RHOJ: variants seen among roughly 807,000 people sequenced by gnomAD.
RHOJ encodes rho-related GTP-binding protein RhoJ.
RHOJ carries 11 observed loss-of-function variants against 23.4 expected under a neutral mutation model. That is an observed-to-expected ratio of 0.47 (90% CI 0.30 to 0.78). RHOJ has a LOEUF of 0.78. Ranked by LOEUF, RHOJ falls within the 30% of genes least tolerant of loss-of-function variation. The pLI is 0.08. For synonymous variants in RHOJ, 102 were observed against 102.7 expected, an observed-to-expected ratio of 0.99 and a Z score of 0.04; for missense variants, 254 against 273.4, an observed-to-expected ratio of 0.93 and a Z score of 0.50.
intron 1 of RHOJ, among the ~76,000 whole-genome samples, chr14:63,219,923 A>C (rs1283625514): frequency 6.6e-6 from 1 of 152,204 alleles, no homozygotes; most frequent in South Asian, 2.1e-4. Flanking sequence ...GCAGCAGTAC[A>C]TTAACTTAAC....
chr14:63,291,435 C>A lies in RHOJ; in HGVS notation c.*411C>A. 3.8e-6 allele frequency: 1 copy of A among 266,396 alleles called. No individual in the cohort carries two copies. 16.5% of individuals were successfully genotyped at this position (266,396 alleles called of 1,614,324 possible). ...TTGATGTCTTTTATAAAACTTGGGA[C>A]TACAATACTAACCTTTTTTTCTGAA... On this transcript the variant is annotated 3_prime_UTR_variant, in exon 5 of 5. Transcript: ENST00000316754.
At chr14:63,269,645 G>A (rs771747790) in intron 2 of RHOJ, among the ~76,000 whole-genome samples, 5 of 152,118 alleles carry the variant, frequency 3.3e-5, no homozygotes, top group Non-Finnish European at 7.3e-5. Flanking sequence ...ATTACGTGTT[G>A]GAAGGAAGAA....
intron 1 of RHOJ, among the ~76,000 whole-genome samples, chr14:63,223,168 T>G (rs2139739551): frequency 6.6e-6 from 1 of 152,246 alleles, no homozygotes; most frequent in East Asian, 1.9e-4. Context: ...TTTCTCCAAG[T>G]TTTATCCACA....
intron 1 of RHOJ, among the ~76,000 whole-genome samples, chr14:63,228,939 T>G (rs1175766657): frequency 6.6e-6 from 1 of 152,226 alleles, no homozygotes; most frequent in Non-Finnish European, 1.5e-5. Flanking sequence ...TTTTCCTACA[T>G]GCTCTCATAG....
chr14:63,247,292 A>G (rs1248267895), intron 1 of RHOJ, among the ~76,000 whole-genome samples: 1 of 152,208 alleles, frequency 6.6e-6, no homozygotes, highest in East Asian at 1.9e-4. Context: ...AGCCTTCTAG[A>G]ACAGCACCTC....
chr14:63,217,813 C>T (rs1282406035), intron 1 of RHOJ, among the ~76,000 whole-genome samples: 2 of 152,190 alleles, frequency 1.3e-5, no homozygotes, highest in Admixed American at 1.3e-4. Flanking sequence ...CATGTATTCA[C>T]TGCAAGTCAA....
intron 1 of RHOJ, among the ~76,000 whole-genome samples, chr14:63,222,545 T>C (rs991066345): frequency 2.0e-5 from 3 of 152,216 alleles, no homozygotes; most frequent in Non-Finnish European, 4.4e-5. Context: ...TATCTCATTG[T>C]GGTTGTGATT....
intron 1 of RHOJ, among the ~76,000 whole-genome samples, chr14:63,232,443 G>T (rs1372067317): frequency 1.3e-5 from 2 of 152,134 alleles, no homozygotes; most frequent in Admixed American, 6.6e-5. Flanking sequence ...AGCACAGTCT[G>T]TGTGTCAGAG....
intron 1 of RHOJ, among the ~76,000 whole-genome samples, chr14:63,238,093 T>G (rs1339107949): frequency 6.6e-6 from 1 of 152,230 alleles, no homozygotes; most frequent in Non-Finnish European, 1.5e-5. Flanking sequence ...TGGCAAATCT[T>G]TCACATACGG....
chr14:63,217,906 A>G (rs1031834634), intron 1 of RHOJ, among the ~76,000 whole-genome samples: 1 of 152,232 alleles, frequency 6.6e-6, no homozygotes, highest in African/African-American at 2.4e-5. Context: ...TCTTGTCGAC[A>G]CGATTACTTG....
intron 1 of RHOJ, among the ~76,000 whole-genome samples, chr14:63,241,975 G>T (rs144029184): frequency 3.7e-4 from 56 of 152,296 alleles, no homozygotes; most frequent in African/African-American, 1.3e-3. Context: ...TAAGTCCAAA[G>T]GAAGCTGAGT....
At chr14:63,269,265 C>A in intron 2 of RHOJ, 97 bp downstream of exon 2, 1 of 819,892 alleles carries the variant, frequency 1.2e-6, no homozygotes, top group African/African-American at 1.7e-5. Flanking sequence ...ACAGATATTA[C>A]CCATTCTGAT....
Position 63,293,458 on chromosome 14 carries a change from G to A in RHOJ, c.*2434G>A, listed in dbSNP as rs184827802. Among the ~76,000 whole-genome samples the A allele has an allele frequency of 1.4e-3, 211 of 152,300 alleles. 1 individual carries two copies. Among genetic ancestry groups the A allele is most frequent in the African/African-American group, 4.9e-3 (204 of 41,556 alleles). On this transcript the variant is annotated 3_prime_UTR_variant, in exon 5 of 5. Transcript: ENST00000316754. ...TTGTTAGTGTCTGGGTAGAGCACAGGCTCCCAGGGGTCTTAAGAGCTAATT... is the reference window on the plus strand; with the variant it reads ...TTGTTAGTGTCTGGGTAGAGCACAGACTCCCAGGGGTCTTAAGAGCTAATT...
chr14:63,249,171 C>A (rs1895026163), intron 1 of RHOJ, among the ~76,000 whole-genome samples: 1 of 152,234 alleles, frequency 6.6e-6, no homozygotes, highest in Non-Finnish European at 1.5e-5. Context: ...CTGGAAGGAA[C>A]AAGACATGTC....
chr14:63,223,572 T>G (rs1436125363), intron 1 of RHOJ, among the ~76,000 whole-genome samples: 1 of 152,124 alleles, frequency 6.6e-6, no homozygotes, highest in Non-Finnish European at 1.5e-5. Context: ...ACCTATCTCA[T>G]TAGTTCAGAG....
chr14:63,272,582 A>T (rs11849875), intron 2 of RHOJ, among the ~76,000 whole-genome samples: 2 of 152,198 alleles, frequency 1.3e-5, no homozygotes, highest in South Asian at 4.1e-4. Context: ...CATTGTCTCA[A>T]CCCTCAATGT....
intron 1 of RHOJ, among the ~76,000 whole-genome samples, chr14:63,256,005 A>C (rs1385036507): frequency 6.6e-6 from 1 of 152,134 alleles, no homozygotes; most frequent in Non-Finnish European, 1.5e-5. Context: ...AGTCGCTAAG[A>C]GTACAGGCAC....
At chr14:63,258,715 G>T (rs187285728) in intron 1 of RHOJ, among the ~76,000 whole-genome samples, 2 of 152,290 alleles carry the variant, frequency 1.3e-5, no homozygotes, top group East Asian at 1.9e-4. Context: ...TAGAAGCAAA[G>T]CTTCAAGGCT....
chr14:63,236,609 A>G (rs1469161504), intron 1 of RHOJ, among the ~76,000 whole-genome samples: 1 of 152,208 alleles, frequency 6.6e-6, no homozygotes, highest in Non-Finnish European at 1.5e-5. Context: ...GGTCCCTCCC[A>G]CAACACGTGG....
Sources: gnomAD v4.1 joint callset for allele counts (sites outside exome capture counted in the v4.1 genomes callset) on GRCh38, gnomAD v4.1.1 for gene constraint, MANE v1.5 for transcripts, NCBI Gene and HGNC (gene_info 2026-07-23, HGNC 2026-07-21) for gene names.